The following TTLL10 variants were observed in gnomAD, a reference collection of about 807,000 sequenced individuals.
TTLL10 encodes tubulin tyrosine ligase like 10.
TTLL10 carries 61 observed loss-of-function variants against 69.0 expected under a neutral mutation model. That is an observed-to-expected ratio of 0.88 (90% CI 0.72 to 1.09). The LOEUF (loss-of-function observed/expected upper bound fraction) is 1.09. Ranked by LOEUF, TTLL10 falls within the 50% of genes least tolerant of loss-of-function variation. TTLL10 has a pLI of 0.00. For synonymous variants in TTLL10, 408 were observed against 393.3 expected, an observed-to-expected ratio of 1.04 and a Z score of -0.44; for missense variants, 962 against 945.9, an observed-to-expected ratio of 1.02 and a Z score of -0.22.
In TTLL10 at chr1:1,185,367, C is replaced by T. The variant is rs1012957485; in HGVS notation, c.1401+258C>T. The T allele has an allele frequency of 1.3e-5, 18 of 1,347,204 alleles. No individual in the cohort carries two copies. Among genetic ancestry groups the T allele is most frequent in the Middle Eastern group, 2.8e-4 (1 of 3,616 alleles). The allele number at this position is 1,347,204 out of a possible 1,614,324, so 83.5% of individuals were successfully genotyped here. On this transcript the variant is annotated intron_variant, in intron 13 of 15. Coordinates refer to ENST00000379289, the MANE Select transcript of TTLL10 (RefSeq NM_001130045.2). The surrounding 1 kb of genome is among the most constrained non-coding windows in gnomAD (Gnocchi z 6.1). The stretch of plus-strand genomic sequence containing the variant: ...GCACGAGTCCCGCGGGCAGCCTCGC[C>T]GTAGGGTCAGGGGACAGCTCGGCTT...
Position 1,173,911 on chromosome 1 carries a change from C to T in TTLL10, c.-146C>T, listed in dbSNP as rs1481036753. ...GTTTCCTGGCCCAGGCTCCCAGGAC[C>T]TTGTGGGCTGGGCAGGTAAGAAGCG... On this transcript the variant is annotated 5_prime_UTR_variant, in exon 1 of 16. Coordinates refer to ENST00000379289, the MANE Select transcript of TTLL10 (RefSeq NM_001130045.2). The surrounding 1 kb of genome is among the most constrained non-coding windows in gnomAD (Gnocchi z 4.1). 2 of 152,324 alleles carry T rather than the reference C, an allele frequency of 1.3e-5. No individual in the cohort carries two copies. The highest frequency in any genetic ancestry group is 6.5e-5 in the Admixed American group (1 of 15,296). The allele number at this position is 152,324 out of a possible 1,614,324, so 9.4% of individuals were successfully genotyped here.
intron 13 of TTLL10, among the ~76,000 whole-genome samples, chr1:1,195,711 C>T (rs1648157786): frequency 6.6e-6 from 1 of 151,952 alleles, no homozygotes; most frequent in Non-Finnish European, 1.5e-5. Flanking sequence ...ACAATCTCAG[C>T]TTACCACAGC....
chr1:1,193,017 C>T (rs1647937995), intron 13 of TTLL10, among the ~76,000 whole-genome samples: 1 of 152,150 alleles, frequency 6.6e-6, no homozygotes, highest in Non-Finnish European at 1.5e-5. Context: ...GTTTAATTCA[C>T]TTACATTTAA....
At chr1:1,187,930 C>T (rs552558507) in intron 13 of TTLL10, among the ~76,000 whole-genome samples, 87 of 151,986 alleles carry the variant, frequency 5.7e-4, no homozygotes, top group Non-Finnish European at 9.7e-4. Flanking sequence ...TTGCCAAATC[C>T]AGCAGAGTGA....
At chr1:1,189,664 G>C (rs1647598481) in intron 13 of TTLL10, among the ~76,000 whole-genome samples, 1 of 152,126 alleles carries the variant, frequency 6.6e-6, no homozygotes, top group Admixed American at 6.5e-5. Context: ...AAGGATTGCT[G>C]TTAATTCTTT....
At position 1,185,102 on chromosome 1, in the gene TTLL10, C is replaced by T; in HGVS notation, c.1394C>T (p.Thr465Ile). ...RGLAKDWVFTTLKKRMQQIMA... is the reference protein window; with the variant it reads ...RGLAKDWVFTILKKRMQQIMA... ...CTCGCCAAGGACTGGGTCTTCACCA[C>T]CCTCAAGGTGCGTCCACTGTGCCCT... The change falls in exon 13 of 16, where the codon ACC becomes ATC. Residue 465 changes from threonine to isoleucine, a missense_variant. Physicochemically the swap from Thr to Ile is moderately conservative, Grantham distance 89 (BLOSUM62 -1). Transcript: ENST00000379289. This position sits in a 1 kb window ranked among gnomAD's most constrained non-coding sequence, Gnocchi z 6.1. 1 of 1,613,694 alleles carries T rather than the reference C, an allele frequency of 6.2e-7. No homozygotes were observed. Among genetic ancestry groups the T allele is most frequent in the African/African-American group, 1.3e-5 (1 of 75,044 alleles).
intron 13 of TTLL10, among the ~76,000 whole-genome samples, chr1:1,187,632 A>C (rs1206689364): frequency 6.6e-6 from 1 of 151,974 alleles, no homozygotes; most frequent in Non-Finnish European, 1.5e-5. Flanking sequence ...TCCATCTCAA[A>C]AAACAAAAAA....
chr1:1,183,075 A>AG (rs1557481245), intron 11 of TTLL10, 28 bp downstream of exon 11: 3 of 1,567,558 alleles, frequency 1.9e-6, no homozygotes, highest in Non-Finnish European at 1.7e-6. Flanking sequence ...CGGAGGGGTG[A>AG]GGGTCTGGGC....
At chr1:1,186,656 T>C (rs1389455536) in intron 13 of TTLL10, among the ~76,000 whole-genome samples, 1 of 152,204 alleles carries the variant, frequency 6.6e-6, no homozygotes, top group Non-Finnish European at 1.5e-5. Context: ...GTTATTTTCC[T>C]TTCTTTATTA....
intron 13 of TTLL10, among the ~76,000 whole-genome samples, chr1:1,190,183 T>C (rs1313872331): frequency 1.3e-5 from 2 of 151,798 alleles, no homozygotes; most frequent in Admixed American, 6.6e-5. Context: ...AAGTATTCCC[T>C]TGTCATCCTT....
chr1:1,195,401 GTTCTACT>G (rs1336951832), intron 13 of TTLL10, among the ~76,000 whole-genome samples: 3 of 147,382 alleles, frequency 2.0e-5, no homozygotes, highest in Non-Finnish European at 4.5e-5. Context: ...TTCTACTTTT[GTTCTACT>G]TTTCAACTTC....
intron 3 of TTLL10, chr1:1,175,353 T>G (rs912646427): frequency 7.0e-6 from 2 of 287,194 alleles, no homozygotes; most frequent in Admixed American, 4.7e-5. Flanking sequence ...GCTTTCTAAC[T>G]GCCTGTTTCC....
In TTLL10 at chr1:1,180,051, C is replaced by A; in HGVS notation, c.217C>A (p.Pro73Thr). ...GTTCACAGGCCCGGCCCACGAGAGG[C>A]CAATGGGGAGCAGCCAGGAGGAGGG... is the stretch of plus-strand genomic sequence containing the variant. ...HCPVGPAHER[P>T]MGSSQEEGLR... Residue 73 changes from proline to threonine, a missense_variant, in exon 6 of 16, where the codon CCA (proline) becomes ACA (threonine). Pro to Thr is a conservative substitution (Grantham distance 38). Transcript: ENST00000379289. The A allele has an allele frequency of 1.9e-6, 3 of 1,576,212 alleles. No homozygotes were observed. The highest frequency in any genetic ancestry group is 1.8e-5 in the Admixed American group (1 of 56,804).
At chr1:1,195,210 C>A (rs111659490) in intron 13 of TTLL10, among the ~76,000 whole-genome samples, 1,557 of 152,294 alleles carry the variant, frequency 0.01, 26 homozygotes, top group African/African-American at 0.033. Flanking sequence ...AGGCTGGTCT[C>A]AAACTCCTGA....
chr1:1,179,550 C>T, intron 4 of TTLL10, 107 bp from the exon 5 acceptor site: 7 of 1,510,620 alleles, frequency 4.6e-6, no homozygotes, highest in Non-Finnish European at 6.2e-6. Context: ...AGGGTTCCGC[C>T]TGGCTGGCAC....
chr1:1,180,142 G>A lies in TTLL10; in HGVS notation c.308G>A (p.Gly103Glu), dbSNP rs1404319009. The change falls in exon 6 of 16, where the codon GGG becomes GAG. Residue 103 changes from glycine (G) to glutamate (E), a missense_variant. Gly to Glu is a moderately conservative substitution (Grantham distance 98). Transcript: ENST00000379289. The part of the protein sequence containing the change: ...ADGHCGPDLE[G>E]AERASATPGP... The stretch of plus-strand genomic sequence containing the variant: ...GGACACTGTGGGCCGGACCTGGAGG[G>A]GGCAGAAAGAGCCTCTGCCACACCC... 1.2e-6 allele frequency: 2 copies of A among 1,611,032 alleles called. No individual in the cohort carries two copies. The highest frequency in any genetic ancestry group is 1.6e-4 in the Middle Eastern group (1 of 6,062).
chr1:1,180,393 C>T lies in TTLL10; in HGVS notation c.506+53C>T, dbSNP rs533978462. On this transcript the variant is annotated intron_variant, in intron 6 of 15. Coordinates refer to ENST00000379289, the MANE Select transcript of TTLL10 (RefSeq NM_001130045.2). ...TCCCACTGAATACCCACCGCCTGCT[C>T]CCGGGGCCCAGCCCGGCCTCCGCTG... 1.2e-4 allele frequency: 185 copies of T among 1,540,712 alleles called. 2 individuals carry two copies. In the South Asian group the frequency reaches 2.1e-3, roughly 18 times the overall value.
Position 1,185,354 on chromosome 1 carries a change from C to G in TTLL10, c.1401+245C>G, listed in dbSNP as rs571410418. 1 of 1,352,150 alleles carries G rather than the reference C, an allele frequency of 7.4e-7. No homozygotes were observed. The highest frequency in any genetic ancestry group is 1.9e-5 in the South Asian group (1 of 52,918). 83.8% of individuals were successfully genotyped at this position (1,352,150 alleles called of 1,614,324 possible). A position where few individuals can be genotyped will look rare whatever the true frequency, so the allele number is the denominator to read the frequency against. On this transcript the variant is annotated intron_variant, in intron 13 of 15. Transcript: ENST00000379289. The surrounding 1 kb of genome is among the most constrained non-coding windows in gnomAD (Gnocchi z 6.1). ...CGGGGGTCTGTCGGCACGAGTCCCGCGGGCAGCCTCGCCGTAGGGTCAGGG... is the reference window on the plus strand; with the variant it reads ...CGGGGGTCTGTCGGCACGAGTCCCGGGGGCAGCCTCGCCGTAGGGTCAGGG...
At position 1,185,129 on chromosome 1, in the gene TTLL10, C is replaced by CA. The variant is rs1281096681; in HGVS notation, c.1401+21dup. 39 of 1,608,736 alleles carry CA rather than the reference C, an allele frequency of 2.4e-5. No homozygotes were observed. The highest frequency in any genetic ancestry group is 3.3e-5 in the Non-Finnish European group (39 of 1,176,890). Reference sequence around the variant, plus strand: ...CTCAAGGTGCGTCCACTGTGCCCTCCAGTCTGGGAGTGAGATCCCTCGGGG... The same window carrying CA: ...CTCAAGGTGCGTCCACTGTGCCCTCCAAGTCTGGGAGTGAGATCCCTCGGGG... On this transcript the variant is annotated intron_variant, in intron 13 of 15. Transcript: ENST00000379289. This position sits in a 1 kb window ranked among gnomAD's most constrained non-coding sequence, Gnocchi z 6.1.
Sources: gnomAD v4.1 joint callset for allele counts (sites outside exome capture counted in the v4.1 genomes callset) on GRCh38, gnomAD v4.1.1 for gene constraint, Gnocchi (gnomAD v3.1) non-coding constraint, MANE v1.5 for transcripts, NCBI Gene and HGNC (gene_info 2026-07-23, HGNC 2026-07-21) for gene names.